Variants in FBXL17 observed in about 807,000 individuals in gnomAD.
The protein encoded by FBXL17 is F-box/LRR-repeat protein 17.
FBXL17 carries 22 observed loss-of-function variants against 66.2 expected under a neutral mutation model. The ratio of observed to expected loss-of-function variants is 0.33; its 90% CI spans 0.24 to 0.47. The LOEUF (loss-of-function observed/expected upper bound fraction) is 0.47, where lower values mean the gene tolerates loss of function less well. FBXL17 is among the 20% of genes least tolerant of loss of function. The probability of loss-of-function intolerance (pLI) is 1.00; values close to 1 mark genes in which losing one functional copy is unlikely to be tolerated. For synonymous variants in FBXL17, 474 were observed against 400.5 expected (o/e 1.18, Z -2.19); for missense variants, 878 against 948.2 (o/e 0.93, Z 0.97).
intron 7 of FBXL17, among the ~76,000 whole-genome samples, chr5:108,001,831 C>A (rs1166287646): frequency 7.1e-5 from 10 of 140,310 alleles, no homozygotes; most frequent in Admixed American, 6.6e-4. Flanking sequence ...TAGTTTCCGA[C>A]ATCTCAAAAT....
intron 7 of FBXL17, among the ~76,000 whole-genome samples, chr5:107,913,976 T>G (rs140012969): frequency 1.7e-4 from 26 of 151,624 alleles, no homozygotes; most frequent in Middle Eastern, 3.4e-3. Flanking sequence ...TTTATGAGTT[T>G]TTTTTTTTTT....
At chr5:108,301,422 T>C (rs901999464) in intron 4 of FBXL17, among the ~76,000 whole-genome samples, 1 of 150,416 alleles carries the variant, frequency 6.6e-6, no homozygotes, top group Admixed American at 6.6e-5. Flanking sequence ...TTTTTACATA[T>C]ATTTACAACA....
Position 107,968,143 on chromosome 5 carries a change from T to A in FBXL17, c.1822+52782A>T, listed in dbSNP as rs193300104. 9.9e-5 allele frequency among the ~76,000 whole-genome samples: 15 copies of A among 152,224 alleles called. No homozygotes were observed. In the East Asian group the frequency reaches 2.9e-3, roughly 29 times the overall value. ...GAATAGAGTAACAAGGGCAACAGCA[T>A]CAAAGAAACAGAAAACAATGCTCTC... On this transcript the variant is annotated intron_variant, in intron 7 of 8. Coordinates refer to ENST00000542267, the MANE Select transcript of FBXL17 (RefSeq NM_001163315.3).
intron 6 of FBXL17, among the ~76,000 whole-genome samples, chr5:108,035,337 TG>T (rs1746798972): frequency 6.6e-6 from 1 of 152,024 alleles, no homozygotes; most frequent in African/African-American, 2.4e-5. Flanking sequence ...CAGAATTATG[TG>T]GGAGAGGAAG....
At chr5:108,345,491 A>T (rs1408537489) in intron 4 of FBXL17, among the ~76,000 whole-genome samples, 1 of 151,524 alleles carries the variant, frequency 6.6e-6, no homozygotes, top group African/African-American at 2.4e-5. Flanking sequence ...TCTAAAGTTT[A>T]TCTTACTTAA....
At chr5:108,363,194 C>T (rs901767884) in intron 3 of FBXL17, among the ~76,000 whole-genome samples, 2 of 151,962 alleles carry the variant, frequency 1.3e-5, no homozygotes, top group African/African-American at 4.8e-5. Flanking sequence ...TAGTATAGAA[C>T]AGAATAGATA....
Position 107,887,579 on chromosome 5 carries a change from C to A in FBXL17, c.1823-6400G>T, listed in dbSNP as rs183190295. 1.7e-3 allele frequency among the ~76,000 whole-genome samples: 260 copies of A among 152,262 alleles called. 1 individual carries two copies. The highest frequency in any genetic ancestry group is 6.1e-3 in the African/African-American group (253 of 41,556). On this transcript the variant is annotated intron_variant, in intron 7 of 8. Coordinates refer to ENST00000542267, the MANE Select transcript of FBXL17 (RefSeq NM_001163315.3). Reference sequence around the variant, plus strand: ...CCATTTGCAAAGAAATTTCTTGGCACGGTTACAAAGAGATAAATATGAAAC... The same window carrying A: ...CCATTTGCAAAGAAATTTCTTGGCAAGGTTACAAAGAGATAAATATGAAAC...
At chr5:108,096,422 A>T (rs1749369928) in intron 6 of FBXL17, among the ~76,000 whole-genome samples, 1 of 152,216 alleles carries the variant, frequency 6.6e-6, no homozygotes, top group South Asian at 2.1e-4. Context: ...TGGCAGTTCA[A>T]AATCAATACC....
chr5:107,967,938 C>T (rs1025143352), intron 7 of FBXL17, among the ~76,000 whole-genome samples: 6 of 151,978 alleles, frequency 3.9e-5, no homozygotes, highest in Admixed American at 3.3e-4. Flanking sequence ...GATAAACTGG[C>T]TTTAACAGGG....
chr5:107,891,244 G>A (rs1044249140), intron 7 of FBXL17, among the ~76,000 whole-genome samples: 3 of 152,152 alleles, frequency 2.0e-5, no homozygotes, highest in African/African-American at 7.2e-5. Context: ...GTTCCAAAAC[G>A]ATGGAGTGCC....
At chr5:108,078,518 A>C (rs1748640130) in intron 6 of FBXL17, among the ~76,000 whole-genome samples, 1 of 152,218 alleles carries the variant, frequency 6.6e-6, no homozygotes, top group African/African-American at 2.4e-5. Flanking sequence ...GGAAATTTGC[A>C]TCTGTAGAGA....
chr5:107,911,088 ATAAG>A (rs570608067), intron 7 of FBXL17, among the ~76,000 whole-genome samples: 6 of 152,154 alleles, frequency 3.9e-5, no homozygotes, highest in East Asian at 3.8e-4. Context: ...TTATGTGAGA[ATAAG>A]TAAGATAATT....
chr5:107,987,947 C>T (rs749249226), intron 7 of FBXL17, among the ~76,000 whole-genome samples: 1 of 151,900 alleles, frequency 6.6e-6, no homozygotes, highest in Non-Finnish European at 1.5e-5. Context: ...TTTTGTAAAT[C>T]AGTTAGATAT....
intron 4 of FBXL17, among the ~76,000 whole-genome samples, chr5:108,293,886 C>A (rs1343701121): frequency 1.3e-5 from 2 of 150,978 alleles, no homozygotes; most frequent in African/African-American, 4.9e-5. Flanking sequence ...ACTAAAAACA[C>A]AAAAATCAGC....
At chr5:108,142,468 T>C (rs746894640) in intron 6 of FBXL17, among the ~76,000 whole-genome samples, 4 of 152,236 alleles carry the variant, frequency 2.6e-5, no homozygotes, top group Non-Finnish European at 5.9e-5. Flanking sequence ...CTCCTTACTA[T>C]TTATTTTCTT....
At chr5:107,890,762 C>T (rs1223641898) in intron 7 of FBXL17, among the ~76,000 whole-genome samples, 1 of 151,812 alleles carries the variant, frequency 6.6e-6, no homozygotes, top group African/African-American at 2.4e-5. Context: ...TGAAAACATA[C>T]ATGTTGTCAG....
chr5:108,354,382 A>G (rs1747830765), intron 3 of FBXL17, among the ~76,000 whole-genome samples: 1 of 152,152 alleles, frequency 6.6e-6, no homozygotes, highest in Admixed American at 6.6e-5. Context: ...AGTAGATGGG[A>G]CATGGTTAAG....
chr5:107,866,982 T>G (rs1381142795), intron 8 of FBXL17, among the ~76,000 whole-genome samples: 1 of 152,152 alleles, frequency 6.6e-6, no homozygotes, highest in African/African-American at 2.4e-5. Flanking sequence ...TAGTATATAC[T>G]CAATAAATAT....
intron 4 of FBXL17, among the ~76,000 whole-genome samples, chr5:108,346,378 A>G (rs1241071502): frequency 1.3e-5 from 2 of 152,130 alleles, no homozygotes; most frequent in African/African-American, 2.4e-5. Context: ...CGTATATAAC[A>G]TATTTTTAAT....
Sources: allele counts gnomAD v4.1 joint callset (sites outside exome capture counted in the v4.1 genomes callset), GRCh38; gene constraint gnomAD v4.1.1; transcripts MANE v1.5; gene names NCBI Gene and HGNC (gene_info 2026-07-23, HGNC 2026-07-21).